ANK2: variants seen among roughly 807,000 people sequenced by gnomAD.
The protein encoded by ANK2 is ankyrin-2.
ANK2 carries 83 observed loss-of-function variants against 360.5 expected under a neutral mutation model. The observed-to-expected ratio is 0.23, with a 90% CI of 0.19 to 0.28. The LOEUF (loss-of-function observed/expected upper bound fraction) is 0.28, where lower values mean the gene tolerates loss of function less well. Ranked by LOEUF, ANK2 falls within the 10% of genes least tolerant of loss-of-function variation. The pLI is 1.00. For missense variants in ANK2, 4,201 were observed against 4,795.7 expected (o/e 0.88, Z 3.66); for synonymous variants, 1,740 against 1,759.5 (o/e 0.99, Z 0.28).
chr4:113,023,214 T>G (rs914266558), intron 2 of ANK2, among the ~76,000 whole-genome samples: 1 of 152,186 alleles, frequency 6.6e-6, no homozygotes, highest in African/African-American at 2.4e-5. Flanking sequence ...GGCTAAAGAT[T>G]ATAGTGAAAT....
At chr4:113,026,058 A>G (rs2059228147) in intron 2 of ANK2, among the ~76,000 whole-genome samples, 1 of 152,186 alleles carries the variant, frequency 6.6e-6, no homozygotes, top group South Asian at 2.1e-4. Context: ...CATTCAATAG[A>G]CAAAGCGTAT....
At chr4:113,086,189 A>G (rs2154350446) in intron 1 of ANK2, among the ~76,000 whole-genome samples, 1 of 152,328 alleles carries the variant, frequency 6.6e-6, no homozygotes, top group Admixed American at 6.5e-5. Context: ...TCCTGTTAAT[A>G]TAGACACTGA....
At chr4:112,986,518 A>AGGAT (rs1282156723) in intron 2 of ANK2, among the ~76,000 whole-genome samples, 1 of 152,168 alleles carries the variant, frequency 6.6e-6, no homozygotes, top group Non-Finnish European at 1.5e-5. Context: ...TGGGAGAAGG[A>AGGAT]GGATAGGCAC....
intron 4 of ANK2, among the ~76,000 whole-genome samples, chr4:113,225,191 T>C (rs372851644): frequency 6.6e-6 from 1 of 152,234 alleles, no homozygotes; most frequent in Non-Finnish European, 1.5e-5. Context: ...CTGATCTGTG[T>C]GCATGGGCCA....
chr4:113,214,201 G>T, intron 4 of ANK2: 1 of 855,888 alleles, frequency 1.2e-6, no homozygotes. Flanking sequence ...TACAGCTTGG[G>T]AAGCACATAG....
At chr4:112,711,194 CAAA>C in the ANK2 span, among the ~76,000 whole-genome samples, 1 of 135,178 alleles carries the variant, frequency 7.4e-6, no homozygotes, top group Non-Finnish European at 1.6e-5. Flanking sequence ...CACACTGTCT[CAAA>C]AAAAAAAAAA....
chr4:112,963,609 T>C (rs917676573), intron 2 of ANK2, among the ~76,000 whole-genome samples: 1 of 152,172 alleles, frequency 6.6e-6, no homozygotes, highest in Non-Finnish European at 1.5e-5. Context: ...GAATCACTAT[T>C]TCTCTTCATG....
chr4:113,141,856 C>G (rs1333745586), intron 1 of ANK2, among the ~76,000 whole-genome samples: 1 of 152,144 alleles, frequency 6.6e-6, no homozygotes, highest in Non-Finnish European at 1.5e-5. Context: ...GTTCTCAGTC[C>G]TTAATCGCTT....
intron 1 of ANK2, among the ~76,000 whole-genome samples, chr4:113,113,668 C>G (rs2094502977): frequency 6.6e-6 from 1 of 152,094 alleles, no homozygotes. Context: ...AGAATTATAT[C>G]TCTGCTGGAG....
At chr4:112,872,985 G>A (rs1466447046) in intron 1 of ANK2, among the ~76,000 whole-genome samples, 2 of 151,846 alleles carry the variant, frequency 1.3e-5, no homozygotes, top group Non-Finnish European at 2.9e-5. Context: ...TTTAATCTGA[G>A]TTATCTCATT....
chr4:112,739,027 C>T, the ANK2 span: 3 of 606,010 alleles, frequency 5.0e-6, no homozygotes, highest in African/African-American at 3.7e-5. Context: ...AACCGCAAAG[C>T]CATCATGGAA....
intron 2 of ANK2, among the ~76,000 whole-genome samples, chr4:112,944,038 T>C (rs2094403530): frequency 6.6e-6 from 1 of 152,176 alleles, no homozygotes; most frequent in Non-Finnish European, 1.5e-5. Flanking sequence ...TTTTGCAGAA[T>C]TTTTCAGTCC....
intron 2 of ANK2, among the ~76,000 whole-genome samples, chr4:112,985,475 T>C (rs1240617113): frequency 6.6e-6 from 1 of 152,190 alleles, no homozygotes; most frequent in Non-Finnish European, 1.5e-5. Context: ...TCTGCATCTC[T>C]TTTGTGGGTT....
chr4:113,351,819 AC>A (rs2095432081), intron 37 of ANK2, among the ~76,000 whole-genome samples: 2 of 152,172 alleles, frequency 1.3e-5, no homozygotes, highest in South Asian at 4.1e-4. Context: ...TTAAATACAG[AC>A]TCAAGTTTGC....
chr4:113,182,660 G>A (rs1179118330), intron 2 of ANK2, among the ~76,000 whole-genome samples: 1 of 152,170 alleles, frequency 6.6e-6, no homozygotes, highest in East Asian at 1.9e-4. Context: ...TCTGTAAAAT[G>A]CTGTTGATCC....
intron 2 of ANK2, among the ~76,000 whole-genome samples, chr4:113,185,833 A>G (rs1313459428): frequency 6.6e-6 from 1 of 152,120 alleles, no homozygotes; most frequent in African/African-American, 2.4e-5. Context: ...TAGGGTTCTT[A>G]TGGTTTTAGG....
intron 27 of ANK2, among the ~76,000 whole-genome samples, chr4:113,331,616 TG>T (rs757514285): frequency 3.9e-5 from 6 of 152,246 alleles, no homozygotes; most frequent in Admixed American, 1.3e-4. Flanking sequence ...TCAGATCTGT[TG>T]GGGAATATGC....
At chr4:112,898,870 T>C (rs926044047) in intron 1 of ANK2, among the ~76,000 whole-genome samples, 3 of 152,190 alleles carry the variant, frequency 2.0e-5, no homozygotes, top group Admixed American at 1.3e-4. Flanking sequence ...ATGGTATTTT[T>C]CTCTGGGATG....
rs142052072 is a variant in ANK2, at chr4:113,330,378, C to T, written c.3033C>T (p.Arg1011=). The T allele has an allele frequency of 1.6e-4, 257 of 1,614,226 alleles. No individual in the cohort carries two copies. The highest frequency in any genetic ancestry group is 6.6e-4 in the Middle Eastern group (4 of 6,062). Residue 1011 remains arginine (R), a synonymous_variant, in exon 27 of 46, where the codon CGC becomes CGT. Coordinates refer to ENST00000357077, the MANE Select transcript of ANK2 (RefSeq NM_001148.6). ...PTRVTCRLVK[R]HRLATMPPMV... is the part of the protein sequence containing the mutation. ...GAGTCACCTGCCGACTGGTCAAGCG[C>T]CACAGACTGGCAACAATGCCTCCAA...
Sources: allele counts gnomAD v4.1 joint callset (sites outside exome capture counted in the v4.1 genomes callset), GRCh38; gene constraint gnomAD v4.1.1; transcripts MANE v1.5; gene names NCBI Gene and HGNC (gene_info 2026-07-23, HGNC 2026-07-21).